ARID1B: variants seen among roughly 807,000 people sequenced by gnomAD.
ARID1B encodes AT-rich interactive domain-containing protein 1B.
ARID1B carries 30 observed loss-of-function variants against 212.3 expected under a neutral mutation model. The ratio of observed to expected loss-of-function variants is 0.14; its 90% CI spans 0.11 to 0.19. The LOEUF is 0.19. ARID1B is among the 10% of genes least tolerant of loss of function. ARID1B has a pLI of 1.00. For synonymous variants in ARID1B, 1,402 were observed against 1,301.7 expected, an observed-to-expected ratio of 1.08 and a Z score of -1.66; for missense variants, 2,891 against 3,204.0, an observed-to-expected ratio of 0.90 and a Z score of 2.36.
intron 4 of ARID1B, among the ~76,000 whole-genome samples, chr6:157,012,743 TAATATCC>T (rs570016459): frequency 1.3e-4 from 20 of 152,364 alleles, no homozygotes; most frequent in Non-Finnish European, 2.2e-4. Context: ...TATACTCTGT[TAATATCC>T]AGTGTTCGTT....
At chr6:157,179,734 G>T (rs1051854442) in intron 11 of ARID1B, among the ~76,000 whole-genome samples, 1 of 152,182 alleles carries the variant, frequency 6.6e-6, no homozygotes, top group African/African-American at 2.4e-5. Context: ...TCACGTGTTA[G>T]TTAAAGGGAA....
chr6:156,967,421 A>G (rs761157304), intron 4 of ARID1B, among the ~76,000 whole-genome samples: 1 of 152,206 alleles, frequency 6.6e-6, no homozygotes, highest in Non-Finnish European at 1.5e-5. Context: ...AGCTGTCACC[A>G]ATGAAGTTAA....
chr6:156,840,430 C>T (rs1468630404), intron 2 of ARID1B, among the ~76,000 whole-genome samples: 8 of 152,232 alleles, frequency 5.3e-5, no homozygotes, highest in African/African-American at 7.2e-5. Flanking sequence ...CTGTTTTCCA[C>T]GGGTGTGGAC....
chr6:156,959,240 C>T (rs1003610152), intron 4 of ARID1B, among the ~76,000 whole-genome samples: 2 of 152,012 alleles, frequency 1.3e-5, no homozygotes, highest in Admixed American at 6.6e-5. Flanking sequence ...TTCTAGGACC[C>T]CCACGAGTAC....
chr6:156,932,956 A>G (rs1306452402), intron 3 of ARID1B, among the ~76,000 whole-genome samples: 1 of 152,208 alleles, frequency 6.6e-6, no homozygotes, highest in Non-Finnish European at 1.5e-5. Flanking sequence ...AGTATTTGAG[A>G]TTTTGGTGGC....
intron 4 of ARID1B, among the ~76,000 whole-genome samples, chr6:156,980,831 C>G (rs1777562028): frequency 1.3e-5 from 2 of 152,148 alleles, no homozygotes; most frequent in Non-Finnish European, 1.5e-5. Flanking sequence ...GTGAAGAGCC[C>G]TTGACATACA....
chr6:156,871,792 G>T, intron 2 of ARID1B: 2 of 977,934 alleles, frequency 2.0e-6, no homozygotes, highest in South Asian at 1.5e-5. Context: ...GCCCATCCCT[G>T]TGCAGGTGCA....
At chr6:156,997,764 C>T (rs74369744) in intron 4 of ARID1B, among the ~76,000 whole-genome samples, 2,907 of 151,596 alleles carry the variant, frequency 0.019, 107 homozygotes, top group African/African-American at 0.067. Flanking sequence ...TAAAGGAATG[C>T]ATTTGAATAT....
At chr6:157,141,505 A>G (rs1335525478) in intron 7 of ARID1B, among the ~76,000 whole-genome samples, 1 of 152,240 alleles carries the variant, frequency 6.6e-6, no homozygotes, top group Admixed American at 6.5e-5. Context: ...GCGGTAAGTC[A>G]GCTTTCATTT....
chr6:156,930,752 T>C (rs1040512496), intron 3 of ARID1B, among the ~76,000 whole-genome samples: 1 of 152,002 alleles, frequency 6.6e-6, no homozygotes, highest in Non-Finnish European at 1.5e-5. Context: ...GTTGCAGATA[T>C]AGAATGAGCT....
chr6:156,927,835 G>A (rs575766405), intron 3 of ARID1B, among the ~76,000 whole-genome samples: 6 of 152,250 alleles, frequency 3.9e-5, no homozygotes, highest in Admixed American at 3.3e-4. Context: ...TCCTTGCTGG[G>A]CCCTTGGGAA....
intron 4 of ARID1B, among the ~76,000 whole-genome samples, chr6:156,969,167 T>C (rs183649267): frequency 6.8e-4 from 103 of 152,352 alleles, no homozygotes; most frequent in African/African-American, 2.5e-3. Context: ...GCATAACTTA[T>C]TTATAAATTA....
Position 156,779,246 on chromosome 6 carries a change from G to A in ARID1B, c.1566G>A (p.Glu522=), listed in dbSNP as rs1385126607. ...MMRSYGGSYP[E]YSSPSAPPPP... ...GGAGCTACGGCGGCAGCTACCCCGAGTACAGCAGCCCCAGCGCGCCGCCGC... is the reference window on the plus strand; with the variant it reads ...GGAGCTACGGCGGCAGCTACCCCGAATACAGCAGCCCCAGCGCGCCGCCGC... Residue 522 remains glutamate, a synonymous_variant, in exon 1 of 20, where the codon GAG becomes GAA. Coordinates refer to ENST00000636930, the MANE Select transcript of ARID1B (RefSeq NM_001374828.1). 1.8e-5 allele frequency: 22 copies of A among 1,195,350 alleles called. No individual in the cohort carries two copies. Among genetic ancestry groups the A allele is most frequent in the South Asian group, 2.9e-5 (1 of 34,150 alleles). The allele number at this position is 1,195,350 out of a possible 1,614,324, so 74.0% of individuals were successfully genotyped here.
intron 7 of ARID1B, among the ~76,000 whole-genome samples, chr6:157,141,577 G>A (rs1789357447): frequency 6.6e-6 from 1 of 152,180 alleles, no homozygotes; most frequent in African/African-American, 2.4e-5. Context: ...GAGCAGCATT[G>A]TGTGATAGAT....
At chr6:156,911,338 G>GTTTTTTTTTT (rs57374747) in intron 3 of ARID1B, among the ~76,000 whole-genome samples, 1 of 105,362 alleles carries the variant, frequency 9.5e-6, no homozygotes, top group Non-Finnish European at 2.0e-5. Flanking sequence ...TAAATAATTA[G>GTTTTTTTTTT]TTTTTTTTTT....
chr6:156,916,939 C>G (rs747507558), intron 3 of ARID1B, among the ~76,000 whole-genome samples: 1 of 152,148 alleles, frequency 6.6e-6, no homozygotes, highest in Non-Finnish European at 1.5e-5. Context: ...GTTGCCTGGC[C>G]GCAGACAGGG....
intron 4 of ARID1B, among the ~76,000 whole-genome samples, chr6:157,025,622 C>T (rs752496636): frequency 2.0e-5 from 3 of 152,144 alleles, no homozygotes; most frequent in Non-Finnish European, 2.9e-5. Flanking sequence ...CATCCATTTC[C>T]TTGTTTGTAT....
chr6:156,823,728 G>A (rs1413988830), intron 1 of ARID1B, among the ~76,000 whole-genome samples: 1 of 138,730 alleles, frequency 7.2e-6, no homozygotes, highest in Non-Finnish European at 1.5e-5. Flanking sequence ...TCCAATTTGC[G>A]GTTGAAGGAA....
intron 2 of ARID1B, among the ~76,000 whole-genome samples, chr6:156,840,409 G>A (rs1783812225): frequency 6.6e-6 from 1 of 152,214 alleles, no homozygotes; most frequent in Non-Finnish European, 1.5e-5. Flanking sequence ...TATGGCCTAG[G>A]CCGGCAGGGA....
Sources: allele counts gnomAD v4.1 joint callset (sites outside exome capture counted in the v4.1 genomes callset), GRCh38; gene constraint gnomAD v4.1.1; transcripts MANE v1.5; gene names NCBI Gene and HGNC (gene_info 2026-07-23, HGNC 2026-07-21).